Variants in FSTL5 observed in about 807,000 individuals in gnomAD.
The protein encoded by FSTL5 is follistatin like 5.
Under a neutral mutation model 89.1 loss-of-function variants are expected in FSTL5, and 62 were observed. That is an observed-to-expected ratio of 0.70 (90% CI 0.57 to 0.86). FSTL5 has a LOEUF of 0.86. Among genes scored for constraint, FSTL5 ranks in the 40% least tolerant of loss-of-function variants. The pLI is 0.00. For synonymous variants in FSTL5, 383 were observed against 346.2 expected (o/e 1.11, Z -1.18); for missense variants, 1,057 against 1,001.6 (o/e 1.06, Z -0.75).
At chr4:161,874,189 C>A (rs937493395) in intron 4 of FSTL5, among the ~76,000 whole-genome samples, 2 of 151,944 alleles carry the variant, frequency 1.3e-5, no homozygotes, top group Non-Finnish European at 2.9e-5. Flanking sequence ...TAATCTATAT[C>A]GTCTCAAACT....
intron 4 of FSTL5, among the ~76,000 whole-genome samples, chr4:161,852,279 T>G (rs1302453954): frequency 6.6e-6 from 1 of 152,140 alleles, no homozygotes; most frequent in Non-Finnish European, 1.5e-5. Context: ...TTAAAAATGA[T>G]AGAATTTACT....
At chr4:162,109,363 A>G (rs1248078526) in intron 2 of FSTL5, among the ~76,000 whole-genome samples, 3 of 152,058 alleles carry the variant, frequency 2.0e-5, no homozygotes, top group African/African-American at 7.2e-5. Flanking sequence ...TCTCACACAA[A>G]CAGACACACA....
chr4:161,415,239 T>C (rs1271237976), intron 15 of FSTL5, among the ~76,000 whole-genome samples: 1 of 152,022 alleles, frequency 6.6e-6, no homozygotes, highest in Non-Finnish European at 1.5e-5. Context: ...GCCAGCATTG[T>C]TTGTCTCTTC....
At chr4:161,487,778 A>G (rs1250334049) in intron 12 of FSTL5, among the ~76,000 whole-genome samples, 3 of 152,112 alleles carry the variant, frequency 2.0e-5, no homozygotes, top group East Asian at 3.9e-4. Flanking sequence ...AGTGAATAAT[A>G]AAATACTTGG....
At chr4:161,818,767 C>T (rs781689364) in intron 4 of FSTL5, among the ~76,000 whole-genome samples, 1 of 152,092 alleles carries the variant, frequency 6.6e-6, no homozygotes, top group African/African-American at 2.4e-5. Context: ...TGGGAAACTT[C>T]CATACTGAAA....
At chr4:161,422,793 T>TTTTTTTTTTTTTTTTTTTTTTTTTTTGAG (rs1483820345) in intron 15 of FSTL5, among the ~76,000 whole-genome samples, 1 of 152,156 alleles carries the variant, frequency 6.6e-6, no homozygotes, top group African/African-American at 2.4e-5. Context: ...ATTTCTTCTT[T>TTTTTTTTTTTTTTTTTTTTTTTTTTTGAG]AGGAAAAGAG....
At chr4:161,494,976 C>G (rs918729582) in intron 12 of FSTL5, among the ~76,000 whole-genome samples, 2 of 152,168 alleles carry the variant, frequency 1.3e-5, no homozygotes, top group Non-Finnish European at 2.9e-5. Context: ...GTAGAAGGAT[C>G]ACTTGAGCCC....
At chr4:161,549,746 G>T (rs1174253722) in intron 8 of FSTL5, among the ~76,000 whole-genome samples, 1 of 151,750 alleles carries the variant, frequency 6.6e-6, no homozygotes, top group Admixed American at 6.6e-5. Context: ...CATGTATTTT[G>T]AACTACCTGA....
chr4:161,494,495 G>T (rs1729997027), intron 12 of FSTL5, among the ~76,000 whole-genome samples: 4 of 152,162 alleles, frequency 2.6e-5, no homozygotes, highest in Admixed American at 2.6e-4. Context: ...CAACAGCAGA[G>T]AAAGAAATGT....
intron 7 of FSTL5, among the ~76,000 whole-genome samples, chr4:161,622,647 T>C (rs760140472): frequency 3.9e-5 from 6 of 152,022 alleles, no homozygotes; most frequent in Non-Finnish European, 7.4e-5. Context: ...TCTTCTAAGT[T>C]AAGAGAATGA....
chr4:161,446,491 A>T (rs1168262331), intron 15 of FSTL5, among the ~76,000 whole-genome samples: 2 of 152,066 alleles, frequency 1.3e-5, no homozygotes, highest in Non-Finnish European at 2.9e-5. Flanking sequence ...TCATAAATTC[A>T]TAAAGTAAGA....
intron 2 of FSTL5, among the ~76,000 whole-genome samples, chr4:162,069,845 T>C (rs1729532085): frequency 6.6e-6 from 1 of 151,466 alleles, no homozygotes; most frequent in African/African-American, 2.4e-5. Context: ...GGTGCTGTAA[T>C]AAACATGGGA....
chr4:162,036,532 A>G (rs1737747728), intron 2 of FSTL5, among the ~76,000 whole-genome samples: 1 of 152,108 alleles, frequency 6.6e-6, no homozygotes, highest in South Asian at 2.1e-4. Context: ...AGCCACTAGC[A>G]TATGCATAAA....
At chr4:161,735,509 T>A (rs28627424) in intron 6 of FSTL5, among the ~76,000 whole-genome samples, 5 of 152,270 alleles carry the variant, frequency 3.3e-5, no homozygotes, top group Admixed American at 1.3e-4. Flanking sequence ...TACATAATTT[T>A]AAAAAACCAT....
intron 4 of FSTL5, among the ~76,000 whole-genome samples, chr4:161,795,040 T>A (rs1729592336): frequency 6.6e-6 from 1 of 151,980 alleles, no homozygotes; most frequent in South Asian, 2.1e-4. Context: ...TTAGTGCTTA[T>A]CTGAGTGCCA....
At chr4:161,768,715 C>T (rs1010391415) in intron 5 of FSTL5, among the ~76,000 whole-genome samples, 1 of 151,426 alleles carries the variant, frequency 6.6e-6, no homozygotes, top group African/African-American at 2.4e-5. Context: ...AGCAACAGCG[C>T]CTACATCAAA....
chr4:162,007,361 G>C (rs936602770), intron 3 of FSTL5, among the ~76,000 whole-genome samples: 34 of 151,702 alleles, frequency 2.2e-4, no homozygotes, highest in African/African-American at 8.2e-4. Flanking sequence ...TAACATAAAG[G>C]AGCTATAAGT....
At chr4:161,817,477 G>A (rs1215081583) in intron 4 of FSTL5, among the ~76,000 whole-genome samples, 1 of 152,120 alleles carries the variant, frequency 6.6e-6, no homozygotes, top group Non-Finnish European at 1.5e-5. Flanking sequence ...AAAATGTGTT[G>A]TTCAGTTACA....
intron 12 of FSTL5, among the ~76,000 whole-genome samples, chr4:161,494,380 T>A (rs540014358): frequency 1.3e-5 from 2 of 152,186 alleles, no homozygotes; most frequent in Non-Finnish European, 2.9e-5. Flanking sequence ...GTATTTCAAA[T>A]GACTATTTTT....
Sources: gnomAD v4.1 joint callset for allele counts (sites outside exome capture counted in the v4.1 genomes callset) on GRCh38, gnomAD v4.1.1 for gene constraint, MANE v1.5 for transcripts, NCBI Gene and HGNC (gene_info 2026-07-23, HGNC 2026-07-21) for gene names.